Variants in CAPN13 observed in about 807,000 individuals in gnomAD.
CAPN13 encodes the protein calpain 13.
Under a neutral mutation model 98.4 loss-of-function variants are expected in CAPN13, and 90 were observed. The ratio of observed to expected loss-of-function variants is 0.92; its 90% confidence interval spans 0.77 to 1.09. The LOEUF is 1.09. CAPN13 is among the 50% of genes least tolerant of loss of function. The pLI, the probability that CAPN13 is intolerant of heterozygous loss-of-function variation, is 0.00. For missense variants in CAPN13, 887 were observed against 841.3 expected, an observed-to-expected ratio of 1.05 and a Z score of -0.67; for synonymous variants, 330 against 305.5, an observed-to-expected ratio of 1.08 and a Z score of -0.84.
At chr2:30,733,744 G>A (rs1330313574) in intron 19 of CAPN13, among the ~76,000 whole-genome samples, 1 of 152,200 alleles carries the variant, frequency 6.6e-6, no homozygotes, top group Non-Finnish European at 1.5e-5. Flanking sequence ...AAGGGAGGAT[G>A]ATGGAGACTA....
chr2:30,771,001 C>T (rs966273325), intron 4 of CAPN13, among the ~76,000 whole-genome samples: 4 of 152,132 alleles, frequency 2.6e-5, no homozygotes, highest in South Asian at 4.2e-4. Context: ...TCAGGAGGAC[C>T]GAGCAGTGAC....
intron 19 of CAPN13, among the ~76,000 whole-genome samples, chr2:30,732,872 TA>T (rs1313864598): frequency 5.9e-5 from 9 of 152,204 alleles, no homozygotes; most frequent in African/African-American, 2.2e-4. Context: ...GGGTTGCTTC[TA>T]GCTCTGCCTC....
intron 1 of CAPN13, among the ~76,000 whole-genome samples, chr2:30,802,717 T>A (rs948650290): frequency 4.7e-4 from 71 of 152,064 alleles, no homozygotes; most frequent in African/African-American, 1.7e-3. Context: ...AACCAGCTCT[T>A]GCAGGGTCCA....
At chr2:30,760,943 C>T (rs1672820638) in intron 7 of CAPN13, among the ~76,000 whole-genome samples, 2 of 152,246 alleles carry the variant, frequency 1.3e-5, no homozygotes, top group Non-Finnish European at 2.9e-5. Context: ...GTTATCTACC[C>T]TGCAGTAGTA....
At chr2:30,776,646 G>A (rs2148051190) in intron 3 of CAPN13, among the ~76,000 whole-genome samples, 1 of 152,298 alleles carries the variant, frequency 6.6e-6, no homozygotes, top group South Asian at 2.1e-4. Flanking sequence ...GTAGGGGGAC[G>A]TTCTCTCCTT....
chr2:30,769,382 C>T (rs116084662), intron 5 of CAPN13, among the ~76,000 whole-genome samples: 177 of 152,260 alleles, frequency 1.2e-3, no homozygotes, highest in African/African-American at 4.0e-3. Flanking sequence ...TTGGCATTCT[C>T]CAGCTTTTGC....
In CAPN13 at chr2:30,734,509, C is replaced by A. The variant is rs780601074; in HGVS notation, c.1738G>T (p.Val580Phe). The A allele has an allele frequency of 1.2e-5, 19 of 1,613,854 alleles. No homozygotes were observed. Among genetic ancestry groups the A allele is most frequent in the Non-Finnish European group, 1.3e-5 (15 of 1,179,774 alleles). ...LVHYQHVFQK[V>F]QTSPGVLLSS... ...AGGAGGACTCCAGGGCTTGTCTGAA[C>A]CTTCTGGAAAACATGCTAATAGGGG... is the stretch of plus-strand genomic sequence containing the variant. The change falls in exon 19 of 23, where the codon GTT (valine) becomes TTT (phenylalanine). Residue 580 changes from valine to phenylalanine, a missense_variant. Physicochemically the swap from Val to Phe is conservative, Grantham distance 50. Coordinates refer to ENST00000295055, the MANE Select transcript of CAPN13 (RefSeq NM_144575.3).
At chr2:30,797,568 TG>T (rs150353190) in intron 1 of CAPN13, among the ~76,000 whole-genome samples, 2,742 of 152,278 alleles carry the variant, frequency 0.018, 75 homozygotes, top group African/African-American at 0.063. Context: ...GTAAAGGGCT[TG>T]GCGTGGCACA....
chr2:30,788,907 T>G (rs1229402214), intron 1 of CAPN13, among the ~76,000 whole-genome samples: 3 of 152,214 alleles, frequency 2.0e-5, no homozygotes, highest in African/African-American at 7.2e-5. Flanking sequence ...ACATTTGAAC[T>G]ATTAGATTGG....
chr2:30,742,260 A>G, intron 14 of CAPN13, 66 bp downstream of exon 14: 1 of 1,533,712 alleles, frequency 6.5e-7, no homozygotes. Flanking sequence ...AAAGAAGGAG[A>G]CGGAAGCTCT....
At chr2:30,778,841 C>G (rs1299447307) in intron 2 of CAPN13, among the ~76,000 whole-genome samples, 2 of 152,188 alleles carry the variant, frequency 1.3e-5, no homozygotes, top group Non-Finnish European at 2.9e-5. Context: ...TGAGGGGGAC[C>G]CTGGGGTGGC....
At chr2:30,789,596 C>A (rs1019244230) in intron 1 of CAPN13, among the ~76,000 whole-genome samples, 61 of 152,306 alleles carry the variant, frequency 4.0e-4, no homozygotes, top group African/African-American at 1.4e-3. Flanking sequence ...ACTGGCCAGA[C>A]TTTAGGAATT....
intron 12 of CAPN13, 53 bp from the exon 13 acceptor site, chr2:30,743,632 C>A (rs1483915244): frequency 6.5e-7 from 1 of 1,533,128 alleles, no homozygotes; most frequent in East Asian, 2.2e-5. Flanking sequence ...TGTGCATGGA[C>A]CCCAGTCACC....
At chr2:30,746,325 C>T (rs1167427266) in intron 11 of CAPN13, 1 of 153,604 alleles carries the variant, frequency 6.5e-6, no homozygotes, top group Non-Finnish European at 1.4e-5. Context: ...TGCACTCTAA[C>T]TTTCATGACT....
intron 17 of CAPN13, chr2:30,737,134 A>T (rs1309881313): frequency 6.5e-6 from 1 of 153,514 alleles, no homozygotes; most frequent in Non-Finnish European, 1.4e-5. Flanking sequence ...GGGGTCCAGC[A>T]AATGTGACCT....
chr2:30,768,569 C>T (rs1271975528), intron 5 of CAPN13, among the ~76,000 whole-genome samples: 1 of 152,190 alleles, frequency 6.6e-6, no homozygotes, highest in Non-Finnish European at 1.5e-5. Flanking sequence ...CCTCTGCATA[C>T]CTTCCTGTCC....
intron 5 of CAPN13, among the ~76,000 whole-genome samples, chr2:30,766,163 C>G (rs542167647): frequency 1.3e-5 from 2 of 152,342 alleles, no homozygotes; most frequent in South Asian, 2.1e-4. Context: ...TCTGGTGATA[C>G]GCTCAGGGCG....
intron 22 of CAPN13, among the ~76,000 whole-genome samples, chr2:30,729,118 T>G (rs2593430): frequency 6.6e-6 from 1 of 151,856 alleles, no homozygotes; most frequent in Non-Finnish European, 1.5e-5. Context: ...GAGGAAGAAG[T>G]GGGGAGATAG....
At chr2:30,726,857 A>G (rs1451031847) in intron 22 of CAPN13, among the ~76,000 whole-genome samples, 1 of 152,196 alleles carries the variant, frequency 6.6e-6, no homozygotes, top group African/African-American at 2.4e-5. Context: ...TCTAAAATTT[A>G]TATGTAAATG....
Sources: gnomAD v4.1 joint callset for allele counts (sites outside exome capture counted in the v4.1 genomes callset) on GRCh38, gnomAD v4.1.1 for gene constraint, MANE v1.5 for transcripts, NCBI Gene and HGNC (gene_info 2026-07-23, HGNC 2026-07-21) for gene names.